Variants in KCNIP4 observed in about 807,000 individuals in gnomAD.
The protein encoded by KCNIP4 is potassium voltage-gated channel interacting protein 4.
A neutral mutation model predicts 34.0 loss-of-function variants in KCNIP4; 12 were observed. That is an observed-to-expected ratio of 0.35 (90% CI 0.23 to 0.57). KCNIP4 has a LOEUF of 0.57. Among genes scored for constraint, KCNIP4 ranks in the 20% least tolerant of loss-of-function variants. KCNIP4 has a pLI of 0.83. For missense variants in KCNIP4, 238 were observed against 311.7 expected, an observed-to-expected ratio of 0.76 and a Z score of 1.78; for synonymous variants, 124 against 102.2, an observed-to-expected ratio of 1.21 and a Z score of -1.29.
At chr4:21,178,952 G>T (rs745833124) in intron 1 of KCNIP4, among the ~76,000 whole-genome samples, 3 of 151,720 alleles carry the variant, frequency 2.0e-5, no homozygotes, top group Non-Finnish European at 4.4e-5. Context: ...TGAGTGGCTG[G>T]GACCACAGGT....
At chr4:21,007,874 G>C (rs557834298) in intron 1 of KCNIP4, among the ~76,000 whole-genome samples, 43 of 152,262 alleles carry the variant, frequency 2.8e-4, no homozygotes, top group Admixed American at 2.6e-3. Flanking sequence ...TGTTTATTCT[G>C]TAAACTTTAG....
At chr4:21,901,716 G>A (rs778490638) in intron 1 of KCNIP4, among the ~76,000 whole-genome samples, 4 of 151,898 alleles carry the variant, frequency 2.6e-5, no homozygotes, top group African/African-American at 4.8e-5. Flanking sequence ...CTATTACTAC[G>A]CATTCTTTAA....
intron 1 of KCNIP4, among the ~76,000 whole-genome samples, chr4:21,946,201 A>T (rs1227342144): frequency 6.6e-6 from 1 of 151,874 alleles, no homozygotes; most frequent in Non-Finnish European, 1.5e-5. Context: ...TCTCTAAGTC[A>T]GGTCATAAAA....
chr4:21,269,784 A>G (rs1762030985), intron 1 of KCNIP4, among the ~76,000 whole-genome samples: 1 of 152,132 alleles, frequency 6.6e-6, no homozygotes, highest in African/African-American at 2.4e-5. Context: ...ACATGGCTCA[A>G]AAGTTGGGGG....
intron 1 of KCNIP4, chr4:21,855,640 A>T (rs1325960276): frequency 1.3e-5 from 2 of 152,146 alleles, no homozygotes; most frequent in Non-Finnish European, 2.9e-5. Flanking sequence ...ATAAGTTCTT[A>T]TCCATATACA....
intron 1 of KCNIP4, among the ~76,000 whole-genome samples, chr4:21,492,442 T>A (rs1732493773): frequency 6.6e-6 from 1 of 152,174 alleles, no homozygotes; most frequent in African/African-American, 2.4e-5. Context: ...CAGGCTGCTC[T>A]CGAACTCCTG....
intron 1 of KCNIP4, among the ~76,000 whole-genome samples, chr4:21,898,197 G>T (rs1459876389): frequency 6.6e-6 from 1 of 152,152 alleles, no homozygotes; most frequent in Non-Finnish European, 1.5e-5. Flanking sequence ...TTGAAAGGCG[G>T]TATAGGCCCC....
chr4:21,279,056 T>TA (rs1394186246), intron 1 of KCNIP4, among the ~76,000 whole-genome samples: 2 of 152,140 alleles, frequency 1.3e-5, no homozygotes. Context: ...AGACAGGTAA[T>TA]ACCTGAAATG....
At chr4:21,356,914 C>A (rs748158306) in intron 1 of KCNIP4, among the ~76,000 whole-genome samples, 1 of 152,146 alleles carries the variant, frequency 6.6e-6, no homozygotes, top group South Asian at 2.1e-4. Flanking sequence ...TGACTTCAAA[C>A]TATACTACAA....
chr4:21,719,876 T>C (rs1168187260), intron 1 of KCNIP4, among the ~76,000 whole-genome samples: 1 of 150,606 alleles, frequency 6.6e-6, no homozygotes, highest in Non-Finnish European at 1.5e-5. Flanking sequence ...GGCAGAAGAA[T>C]CACTTGAACC....
chr4:21,703,295 GAAAT>G (rs1713011313), intron 1 of KCNIP4, among the ~76,000 whole-genome samples: 3 of 152,020 alleles, frequency 2.0e-5, no homozygotes, highest in East Asian at 3.9e-4. Flanking sequence ...AGAGTGTAAA[GAAAT>G]AAATAAAATC....
At chr4:21,622,969 T>A (rs1475172162) in intron 1 of KCNIP4, among the ~76,000 whole-genome samples, 1 of 151,444 alleles carries the variant, frequency 6.6e-6, no homozygotes, top group Admixed American at 6.6e-5. Context: ...TTATATTTTT[T>A]GTATAAGTAT....
chr4:21,416,483 T>C (rs901702538), intron 1 of KCNIP4, among the ~76,000 whole-genome samples: 14 of 152,320 alleles, frequency 9.2e-5, no homozygotes, highest in Admixed American at 6.5e-5. Context: ...AATACACTTA[T>C]AGCACAGCAA....
intron 3 of KCNIP4, among the ~76,000 whole-genome samples, chr4:20,760,315 T>C (rs1029044061): frequency 6.6e-6 from 1 of 152,156 alleles, no homozygotes; most frequent in Admixed American, 6.6e-5. Flanking sequence ...CAGACCTGAC[T>C]TTAGACATGA....
At chr4:21,314,279 C>G (rs1296329991) in intron 1 of KCNIP4, among the ~76,000 whole-genome samples, 1 of 152,176 alleles carries the variant, frequency 6.6e-6, no homozygotes. Context: ...GATTGCATCC[C>G]TTTGGATTAA....
rs1331183125 is a variant in KCNIP4, at chr4:21,818,869, A to G, written c.61+129702T>C. On this transcript the variant is annotated intron_variant, in intron 1 of 8. Coordinates refer to ENST00000382152, the MANE Select transcript of KCNIP4 (RefSeq NM_025221.6). Reference sequence around the variant, plus strand: ...AGTAAAAAACAAAACAAAACAAAACAACAAAACACTTTTTTTTCTACAAGT... The same window carrying G: ...AGTAAAAAACAAAACAAAACAAAACGACAAAACACTTTTTTTTCTACAAGT... Among the ~76,000 whole-genome samples, 4 of 152,170 alleles carry G rather than the reference A, an allele frequency of 2.6e-5. No individual in the cohort carries two copies. The East Asian group carries it at 7.7e-4, about 29-fold the overall frequency.
At chr4:21,757,917 G>A (rs539128899) in intron 1 of KCNIP4, among the ~76,000 whole-genome samples, 4 of 152,256 alleles carry the variant, frequency 2.6e-5, no homozygotes, top group East Asian at 1.9e-4. Flanking sequence ...AAAGACATGC[G>A]TTGGTGTGTG....
rs567954907 is a variant in KCNIP4, at chr4:21,071,575, T to C, written c.62-188866A>G. On this transcript the variant is annotated intron_variant, in intron 1 of 8. Transcript: ENST00000382152. ...CTATTGTAGTATACTTGGCTGTCTA[T>C]ACAATTTTTAGAATAGTTTTGTCTA... Among the ~76,000 whole-genome samples the C allele has an allele frequency of 1.7e-4, 26 of 152,368 alleles. No homozygotes were observed. The South Asian group carries it at 5.2e-3, about 30-fold the overall frequency.
At chr4:21,786,343 A>G (rs1445979048) in intron 1 of KCNIP4, among the ~76,000 whole-genome samples, 1 of 152,210 alleles carries the variant, frequency 6.6e-6, no homozygotes, top group Non-Finnish European at 1.5e-5. Context: ...TGCTCTCCAA[A>G]GTGGCTGCAT....
Sources: allele counts gnomAD v4.1 joint callset (sites outside exome capture counted in the v4.1 genomes callset), GRCh38; gene constraint gnomAD v4.1.1; transcripts MANE v1.5; gene names NCBI Gene and HGNC (gene_info 2026-07-23, HGNC 2026-07-21).